ACER3: variants seen among roughly 807,000 people sequenced by gnomAD.
The protein encoded by ACER3 is alkaline ceramidase 3, also known as alkCDase 3.
ACER3 carries 16 observed loss-of-function variants against 48.9 expected under a neutral mutation model. That is an observed-to-expected ratio of 0.33 (90% CI 0.22 to 0.50). ACER3 has a LOEUF of 0.50. Among genes scored for constraint, ACER3 ranks in the 20% least tolerant of loss-of-function variants. ACER3 has a pLI of 0.98. For missense variants in ACER3, 227 were observed against 326.0 expected (o/e 0.70, Z 2.34); for synonymous variants, 109 against 107.8 (o/e 1.01, Z -0.07).
rs1385659018 is a variant in ACER3, at chr11:76,966,827, T to C, written c.267+7796T>C. ...AAAGCAGTGTGTAGAGGGAAATGTA[T>C]AGCACTAAATGCCCACAAGAGAAAG... On this transcript the variant is annotated intron_variant, in intron 3 of 10. Transcript: ENST00000532485. Among the ~76,000 whole-genome samples the C allele has an allele frequency of 4.0e-5, 6 of 150,752 alleles. No homozygotes were observed. In the East Asian group the frequency reaches 7.8e-4, roughly 20 times the overall value.
chr11:76,957,146 C>T (rs901420026), intron 2 of ACER3, among the ~76,000 whole-genome samples: 1 of 152,166 alleles, frequency 6.6e-6, no homozygotes, highest in Non-Finnish European at 1.5e-5. Flanking sequence ...TTCTGTTTAT[C>T]TGCCTGTCTC....
intron 1 of ACER3, among the ~76,000 whole-genome samples, chr11:76,873,029 A>G (rs1439892619): frequency 6.7e-6 from 1 of 149,374 alleles, no homozygotes; most frequent in South Asian, 2.1e-4. Flanking sequence ...CTCCTGCCTC[A>G]GACTCCCGAA....
At chr11:76,934,448 G>C (rs2134875999) in intron 2 of ACER3, among the ~76,000 whole-genome samples, 1 of 152,376 alleles carries the variant, frequency 6.6e-6, no homozygotes, top group African/African-American at 2.4e-5. Context: ...CACCTCGGGA[G>C]GCCGAGGCTG....
At chr11:76,885,162 A>G (rs544962281) in intron 1 of ACER3, among the ~76,000 whole-genome samples, 3 of 152,252 alleles carry the variant, frequency 2.0e-5, no homozygotes, top group African/African-American at 4.8e-5. Flanking sequence ...ACCTTTCTGC[A>G]TTCTTATATG....
At chr11:77,008,199 C>A (rs782075316) in intron 7 of ACER3, among the ~76,000 whole-genome samples, 7 of 152,102 alleles carry the variant, frequency 4.6e-5, no homozygotes, top group Non-Finnish European at 8.8e-5. Context: ...TATATAATGC[C>A]CAGCAGTTTT....
At chr11:76,877,649 A>T (rs1464743354) in intron 1 of ACER3, among the ~76,000 whole-genome samples, 2 of 152,124 alleles carry the variant, frequency 1.3e-5, no homozygotes, top group Non-Finnish European at 2.9e-5. Flanking sequence ...AGAAAGTCCA[A>T]CCTAAAGGTT....
intron 1 of ACER3, among the ~76,000 whole-genome samples, chr11:76,887,234 AAC>A (rs932320147): frequency 2.8e-4 from 42 of 152,142 alleles, no homozygotes; most frequent in South Asian, 6.2e-4. Flanking sequence ...CAGCTTGGGT[AAC>A]AGAGCAAGAC....
chr11:76,863,195 C>T (rs1753245850), intron 1 of ACER3, among the ~76,000 whole-genome samples: 1 of 152,142 alleles, frequency 6.6e-6, no homozygotes, highest in South Asian at 2.1e-4. Context: ...CCACTGCACT[C>T]CAGCCTGGGC....
intron 5 of ACER3, among the ~76,000 whole-genome samples, chr11:76,988,530 A>T (rs1040366285): frequency 3.3e-5 from 5 of 152,158 alleles, no homozygotes; most frequent in African/African-American, 1.2e-4. Flanking sequence ...GCTCCTTATA[A>T]AACCATCAGA....
intron 1 of ACER3, among the ~76,000 whole-genome samples, chr11:76,887,957 A>G (rs1347321890): frequency 6.6e-6 from 1 of 151,476 alleles, no homozygotes; most frequent in Non-Finnish European, 1.5e-5. Context: ...AGCTGGGACT[A>G]CAGGTGCATG....
intron 1 of ACER3, among the ~76,000 whole-genome samples, chr11:76,923,519 C>T (rs1946739558): frequency 6.6e-6 from 1 of 152,058 alleles, no homozygotes; most frequent in South Asian, 2.1e-4. Flanking sequence ...TTTTTGTATG[C>T]CTGGTAATCT....
chr11:76,940,071 A>T (rs1404815059), intron 2 of ACER3, among the ~76,000 whole-genome samples: 2 of 152,224 alleles, frequency 1.3e-5, no homozygotes, highest in Non-Finnish European at 2.9e-5. Flanking sequence ...AGAGGTAAAG[A>T]GTCATGCTCT....
intron 4 of ACER3, among the ~76,000 whole-genome samples, chr11:76,978,179 CAG>C (rs1306021220): frequency 1.3e-5 from 2 of 152,158 alleles, no homozygotes; most frequent in East Asian, 3.9e-4. Flanking sequence ...CAGAAAGGGG[CAG>C]TCCCCGGTGA....
intron 6 of ACER3, among the ~76,000 whole-genome samples, chr11:76,990,985 A>G (rs932624910): frequency 2.0e-5 from 3 of 152,220 alleles, no homozygotes; most frequent in Admixed American, 1.3e-4. Flanking sequence ...TGTACATTGA[A>G]GGAAGCAGAC....
At chr11:76,925,443 A>G (rs1019225622) in intron 1 of ACER3, among the ~76,000 whole-genome samples, 3 of 152,234 alleles carry the variant, frequency 2.0e-5, no homozygotes, top group African/African-American at 7.2e-5. Context: ...CAATTTTTCC[A>G]ACACCTCTGT....
At chr11:76,928,836 C>A (rs570156721) in intron 2 of ACER3, among the ~76,000 whole-genome samples, 1 of 152,210 alleles carries the variant, frequency 6.6e-6, no homozygotes, top group East Asian at 1.9e-4. Flanking sequence ...GTTTTGGTAC[C>A]AGTACCAGGC....
chr11:76,896,104 A>T (rs1449701532), intron 1 of ACER3, among the ~76,000 whole-genome samples: 1 of 152,184 alleles, frequency 6.6e-6, no homozygotes, highest in Non-Finnish European at 1.5e-5. Context: ...TGGAACACCT[A>T]ATTTTAAACT....
chr11:77,019,183 G>A (rs978788631), intron 9 of ACER3, among the ~76,000 whole-genome samples: 3 of 152,222 alleles, frequency 2.0e-5, no homozygotes, highest in Admixed American at 6.5e-5. Context: ...AAATGTGGCC[G>A]GGCGCGGTGG....
intron 1 of ACER3, among the ~76,000 whole-genome samples, chr11:76,868,664 C>T (rs1945165729): frequency 6.6e-6 from 1 of 152,186 alleles, no homozygotes; most frequent in Non-Finnish European, 1.5e-5. Flanking sequence ...AGGAATGCTG[C>T]AGAGAGAAGC....
Sources: gnomAD v4.1 joint callset for allele counts (sites outside exome capture counted in the v4.1 genomes callset) on GRCh38, gnomAD v4.1.1 for gene constraint, MANE v1.5 for transcripts, NCBI Gene and HGNC (gene_info 2026-07-23, HGNC 2026-07-21) for gene names.